The following CTNNA2 variants were observed in gnomAD, a reference collection of about 807,000 sequenced individuals.
CTNNA2 encodes catenin alpha-2.
Under a neutral mutation model 101.0 loss-of-function variants are expected in CTNNA2, and 42 were observed. The ratio of observed to expected loss-of-function variants is 0.42; its 90% CI spans 0.32 to 0.54. The LOEUF (loss-of-function observed/expected upper bound fraction) is 0.54. Among genes scored for constraint, CTNNA2 ranks in the 20% least tolerant of loss-of-function variants. The pLI, the probability that CTNNA2 is intolerant of heterozygous loss-of-function variation, is 0.14. For missense variants in CTNNA2, 871 were observed against 1,223.1 expected, an observed-to-expected ratio of 0.71 and a Z score of 4.29; for synonymous variants, 450 against 456.4, an observed-to-expected ratio of 0.99 and a Z score of 0.18.
chr2:79,237,655 T>C (rs1023467242), intron 2 of CTNNA2, among the ~76,000 whole-genome samples: 4 of 152,256 alleles, frequency 2.6e-5, no homozygotes, highest in Non-Finnish European at 4.4e-5. Context: ...AGATCTTAGC[T>C]TGATCTTCTG....
chr2:79,735,738 T>G (rs1386831649), intron 2 of CTNNA2, among the ~76,000 whole-genome samples: 1 of 152,172 alleles, frequency 6.6e-6, no homozygotes, highest in Non-Finnish European at 1.5e-5. Flanking sequence ...CTTAGATAAT[T>G]AAATCATAAA....
intron 7 of CTNNA2, among the ~76,000 whole-genome samples, chr2:80,193,698 T>C (rs1706665782): frequency 6.6e-6 from 1 of 152,218 alleles, no homozygotes; most frequent in Non-Finnish European, 1.5e-5. Context: ...AATTGGTGGT[T>C]TGAGCTCTTA....
At chr2:80,209,292 C>T (rs1707740018) in intron 7 of CTNNA2, among the ~76,000 whole-genome samples, 1 of 151,542 alleles carries the variant, frequency 6.6e-6, no homozygotes, top group South Asian at 2.1e-4. Context: ...ACCTCCGCCT[C>T]CCAGGTTGGA....
At chr2:79,550,496 C>T (rs1674031111) in intron 1 of CTNNA2, among the ~76,000 whole-genome samples, 1 of 152,142 alleles carries the variant, frequency 6.6e-6, no homozygotes, top group Non-Finnish European at 1.5e-5. Flanking sequence ...TCATCCACTC[C>T]ATAGCCATAG....
intron 2 of CTNNA2, among the ~76,000 whole-genome samples, chr2:79,306,343 CTAAA>C (rs1320003392): frequency 6.6e-6 from 1 of 152,066 alleles, no homozygotes; most frequent in Non-Finnish European, 1.5e-5. Context: ...TTGAAAATTA[CTAAA>C]TAGATGTTGT....
intron 3 of CTNNA2, among the ~76,000 whole-genome samples, chr2:79,810,910 C>G (rs1676972800): frequency 6.6e-6 from 1 of 151,684 alleles, no homozygotes; most frequent in South Asian, 2.1e-4. Context: ...GCCACATTTT[C>G]TTAATCCAGT....
At chr2:80,591,480 C>CTTTTTTTTTTTTT (rs1473500318) in intron 15 of CTNNA2, among the ~76,000 whole-genome samples, 1 of 33,552 alleles carries the variant, frequency 3.0e-5, no homozygotes, top group African/African-American at 1.1e-4. Flanking sequence ...TTTTTTTTTG[C>CTTTTTTTTTTTTT]AAACAGACAG....
Position 79,470,913 on chromosome 2 carries a change from C to T in CTNNA2, c.-134-34141C>T, listed in dbSNP as rs116406381. ...ATGTTTGATAGTCTAAAAGGTTAAT[C>T]TTCTTAATGTCTCTTCATGAAATAC... On this transcript the variant is annotated intron_variant, in intron 4 of 21. Transcript: ENST00000466387. Among the ~76,000 whole-genome samples, 451 of 152,196 alleles carry T rather than the reference C, an allele frequency of 3.0e-3. 3 individuals are homozygous for T. The highest frequency in any genetic ancestry group is 9.6e-3 in the African/African-American group (400 of 41,536).
At chr2:80,306,454 C>T (rs200889217) in intron 7 of CTNNA2, among the ~76,000 whole-genome samples, 78 of 95,626 alleles carry the variant, frequency 8.2e-4, no homozygotes, top group African/African-American at 2.2e-3. Context: ...CTTTCTTTCT[C>T]TCTCTCTCTT....
chr2:79,200,816 GA>G (rs902248102), intron 2 of CTNNA2, among the ~76,000 whole-genome samples: 40 of 147,628 alleles, frequency 2.7e-4, no homozygotes, highest in Admixed American at 8.1e-4. Context: ...TGAGCTCCTT[GA>G]AAAAAAAAAC....
intron 7 of CTNNA2, among the ~76,000 whole-genome samples, chr2:80,264,155 A>G (rs1672826155): frequency 6.6e-6 from 1 of 152,110 alleles, no homozygotes; most frequent in African/African-American, 2.4e-5. Context: ...GCTTAATACC[A>G]AGGAGTATTT....
At chr2:80,075,533 G>T (rs1317916737) in intron 7 of CTNNA2, among the ~76,000 whole-genome samples, 2 of 141,096 alleles carry the variant, frequency 1.4e-5, no homozygotes, top group African/African-American at 5.2e-5. Context: ...AAAAATAACT[G>T]TTATAAAAAT....
At chr2:79,484,008 C>T (rs1671134121) in intron 4 of CTNNA2, among the ~76,000 whole-genome samples, 1 of 151,934 alleles carries the variant, frequency 6.6e-6, no homozygotes, top group East Asian at 1.9e-4. Flanking sequence ...GTTGGGAGGC[C>T]GAGGCAGGCA....
rs146610786 is a variant in CTNNA2 at position 80,331,995 on chromosome 2, G to A, written c.1057-61216G>A. Among the ~76,000 whole-genome samples, 937 of 152,216 alleles carry A rather than the reference G, an allele frequency of 6.2e-3. 13 individuals carry two copies. The highest frequency in any genetic ancestry group is 0.021 in the African/African-American group (877 of 41,536). On this transcript the variant is annotated intron_variant, in intron 7 of 18. Coordinates refer to ENST00000402739, the MANE Select transcript of CTNNA2 (RefSeq NM_001282597.3). ...ATCCTCCACTGGAGGTACCATTCCC[G>A]TGCAGGAGTAAGGTTTCTGTTGGAC...
intron 6 of CTNNA2, among the ~76,000 whole-genome samples, chr2:79,879,503 G>A (rs903311437): frequency 8.5e-5 from 13 of 152,128 alleles, no homozygotes; most frequent in Admixed American, 3.3e-4. Context: ...CTTGAGCAGT[G>A]GTTTGTAGTT....
At chr2:79,572,948 C>T (rs773141718) in intron 1 of CTNNA2, among the ~76,000 whole-genome samples, 10 of 152,168 alleles carry the variant, frequency 6.6e-5, no homozygotes, top group South Asian at 2.1e-4. Context: ...GTTGCTGCCA[C>T]GGCCAGAATG....
At chr2:80,293,599 C>T (rs1356965341) in intron 7 of CTNNA2, among the ~76,000 whole-genome samples, 1 of 152,070 alleles carries the variant, frequency 6.6e-6, no homozygotes, top group Non-Finnish European at 1.5e-5. Context: ...GTATGCTACC[C>T]GTCTGTTTAA....
intron 7 of CTNNA2, among the ~76,000 whole-genome samples, chr2:80,198,178 G>A (rs1465874965): frequency 1.3e-5 from 2 of 152,150 alleles, no homozygotes; most frequent in African/African-American, 4.8e-5. Flanking sequence ...GCCCATGATA[G>A]AGTCACCATT....
intron 9 of CTNNA2, among the ~76,000 whole-genome samples, chr2:80,522,439 A>C (rs1689650979): frequency 6.6e-6 from 1 of 152,246 alleles, no homozygotes; most frequent in African/African-American, 2.4e-5. Flanking sequence ...GTTGATAAAC[A>C]TTTGAACTGT....
Sources: allele counts gnomAD v4.1 joint callset (sites outside exome capture counted in the v4.1 genomes callset), GRCh38; gene constraint gnomAD v4.1.1; transcripts MANE v1.5; gene names NCBI Gene and HGNC (gene_info 2026-07-23, HGNC 2026-07-21).